Variants in CPNE4 observed in about 807,000 individuals in gnomAD.
CPNE4 encodes the protein copine-4.
In CPNE4, 25 loss-of-function variants were observed where a neutral mutation model predicts 67.9. The observed-to-expected ratio is 0.37, with a 90% confidence interval of 0.27 to 0.51. The LOEUF (loss-of-function observed/expected upper bound fraction) is 0.51, where lower values mean the gene tolerates loss of function less well. Ranked by LOEUF, CPNE4 falls within the 20% of genes least tolerant of loss-of-function variation. The probability of loss-of-function intolerance (pLI) is 0.93; values close to 1 mark genes in which losing one functional copy is unlikely to be tolerated. For synonymous variants in CPNE4, 242 were observed against 244.9 expected (o/e 0.99, Z 0.11); for missense variants, 464 against 690.8 (o/e 0.67, Z 3.68).
At chr3:131,575,166 A>G (rs758004810) in intron 9 of CPNE4, 36 bp from the exon 10 acceptor site, 2 of 1,570,328 alleles carry the variant, frequency 1.3e-6, no homozygotes, top group East Asian at 2.2e-5. Context: ...GGTTAATAAC[A>G]GCACAGTCTA....
chr3:131,889,650 G>A (rs1427603623), intron 2 of CPNE4, among the ~76,000 whole-genome samples: 1 of 152,122 alleles, frequency 6.6e-6, no homozygotes, highest in Non-Finnish European at 1.5e-5. Flanking sequence ...ACCCCAAAAT[G>A]TTTAATAGTT....
intron 7 of CPNE4, among the ~76,000 whole-genome samples, chr3:131,612,647 T>TC (rs1939919235): frequency 6.6e-6 from 1 of 152,146 alleles, no homozygotes; most frequent in Non-Finnish European, 1.5e-5. Context: ...CCCCGATTAC[T>TC]CCCTCTTTAT....
rs1583517415 is a variant in CPNE4 at position 131,959,247 on chromosome 3, G to T, written c.-1-53803C>A. On this transcript the variant is annotated intron_variant, in intron 1 of 15. Transcript: ENST00000429747. Reference sequence around the variant, plus strand: ...GATCTCCTGACCTCGTGATCCGCCCGCCTCGGCCTCCCAAAGTGCTGGGAT... The same window carrying T: ...GATCTCCTGACCTCGTGATCCGCCCTCCTCGGCCTCCCAAAGTGCTGGGAT... Among the ~76,000 whole-genome samples the T allele has an allele frequency of 5.2e-5, 2 of 38,374 alleles. 1 individual carries two copies. Among genetic ancestry groups the T allele is most frequent in the African/African-American group, 1.9e-4 (2 of 10,398 alleles). 25.2% of individuals were successfully genotyped at this position (38,374 alleles called of 152,430 possible).
At chr3:131,760,669 A>G (rs2082863425) in intron 2 of CPNE4, among the ~76,000 whole-genome samples, 2 of 152,160 alleles carry the variant, frequency 1.3e-5, no homozygotes, top group South Asian at 4.1e-4. Context: ...TCATTTTGCT[A>G]TTGAGGATGA....
At chr3:131,585,400 T>A (rs1272775942) in intron 8 of CPNE4, among the ~76,000 whole-genome samples, 2 of 152,130 alleles carry the variant, frequency 1.3e-5, no homozygotes, top group Non-Finnish European at 2.9e-5. Flanking sequence ...TAAGACAATA[T>A]TTCCCACTGT....
Position 131,535,200 on chromosome 3 carries a change from G to A in CPNE4, c.1669C>T (p.Pro557Ser). The change falls in exon 16 of 16, where the codon CCA becomes TCA. Residue 557 changes from proline to serine, a missense_variant. By Grantham distance (74) the Pro-to-Ser change is moderately conservative. Coordinates refer to ENST00000429747, the MANE Select transcript of CPNE4 (RefSeq NM_130808.3). ...EMYESSRTLA[P>S] is the part of the protein sequence containing the mutation. ...TGTAAAACTGTGTGGGGAGTTCATG[G>A]TGCTAGTGTTCTGGAAGATTCATAC... 6.2e-7 allele frequency: 1 copy of A among 1,611,104 alleles called. No homozygotes were observed. Among genetic ancestry groups the A allele is most frequent in the Non-Finnish European group, 8.5e-7 (1 of 1,178,950 alleles).
rs145053319 is a variant in CPNE4, at chr3:132,023,184, T to C, written c.-2+11383A>G. 9.4e-3 allele frequency among the ~76,000 whole-genome samples: 1,431 copies of C among 152,280 alleles called. 9 individuals carry two copies. The highest frequency in any genetic ancestry group is 0.015 in the Non-Finnish European group (991 of 68,022). On this transcript the variant is annotated intron_variant, in intron 1 of 15. Coordinates refer to ENST00000429747, the MANE Select transcript of CPNE4 (RefSeq NM_130808.3). The stretch of plus-strand genomic sequence containing the variant: ...CAGCTGCCAACATTATATAAAAGCC[T>C]CACGCACTCTAGTCCAATCGTTCAT...
chr3:131,674,284 A>G (rs774133143), intron 6 of CPNE4, among the ~76,000 whole-genome samples: 2 of 151,512 alleles, frequency 1.3e-5, no homozygotes, highest in Non-Finnish European at 3.0e-5. Flanking sequence ...TCTTTTTTTG[A>G]TGTATCTTTG....
chr3:131,760,226 G>T (rs1015515992), intron 2 of CPNE4, among the ~76,000 whole-genome samples: 1 of 152,164 alleles, frequency 6.6e-6, no homozygotes, highest in African/African-American at 2.4e-5. Context: ...ATCTGTAGGA[G>T]TTTGTCTGAA....
intron 2 of CPNE4, among the ~76,000 whole-genome samples, chr3:131,798,220 C>T (rs1187298814): frequency 6.6e-6 from 1 of 152,074 alleles, no homozygotes; most frequent in African/African-American, 2.4e-5. Flanking sequence ...CACAAATAGC[C>T]AATTATGGGA....
intron 1 of CPNE4, among the ~76,000 whole-genome samples, chr3:131,985,635 C>T (rs1409167529): frequency 6.6e-6 from 1 of 152,114 alleles, no homozygotes; most frequent in African/African-American, 2.4e-5. Flanking sequence ...TTCAGTGCTG[C>T]CCCACAGGTT....
In CPNE4 at chr3:131,882,723, A is replaced by ATT. The variant is rs534737633; in HGVS notation, c.180+22539_180+22540dup. ...ACAAAAGTAATTGCAGTTCTGCTCT[A>ATT]TTTTTTTTTTTTTTTTGAGACGGAG... On this transcript the variant is annotated intron_variant, in intron 2 of 15. Transcript: ENST00000429747. Among the ~76,000 whole-genome samples, 584 of 136,144 alleles carry ATT rather than the reference A, an allele frequency of 4.3e-3. 8 individuals carry two copies. The highest frequency in any genetic ancestry group is 0.013 in the East Asian group (58 of 4,586). The allele number at this position is 136,144 out of a possible 152,430, so 89.3% of individuals were successfully genotyped here.
At chr3:131,551,758 A>G (rs1936185284) in intron 13 of CPNE4, among the ~76,000 whole-genome samples, 1 of 152,136 alleles carries the variant, frequency 6.6e-6, no homozygotes, top group African/African-American at 2.4e-5. Context: ...AAAATGTCTT[A>G]TGATCTTCAT....
intron 1 of CPNE4, among the ~76,000 whole-genome samples, chr3:131,912,395 T>G (rs553352756): frequency 2.0e-5 from 3 of 152,054 alleles, no homozygotes; most frequent in African/African-American, 7.2e-5. Flanking sequence ...CAAGAATAAG[T>G]GCATAATCAC....
chr3:131,654,569 T>C (rs1305038726), intron 7 of CPNE4, among the ~76,000 whole-genome samples: 1 of 152,126 alleles, frequency 6.6e-6, no homozygotes, highest in East Asian at 1.9e-4. Context: ...AACCCAAACA[T>C]CTCCCAGGAG....
intron 2 of CPNE4, among the ~76,000 whole-genome samples, chr3:131,846,798 G>T (rs553158613): frequency 6.6e-6 from 1 of 152,176 alleles, no homozygotes; most frequent in Non-Finnish European, 1.5e-5. Context: ...GGCAGGCTGA[G>T]CATCGAGATT....
At chr3:131,879,834 A>G (rs2087603404) in intron 2 of CPNE4, among the ~76,000 whole-genome samples, 1 of 152,146 alleles carries the variant, frequency 6.6e-6, no homozygotes, top group African/African-American at 2.4e-5. Context: ...TGCACACAGC[A>G]TAATTTTCCC....
rs374887619 is a variant in CPNE4, at chr3:131,552,506, A to C, written c.1117-15T>G. The C allele has an allele frequency of 6.8e-6, 11 of 1,608,228 alleles. No homozygotes were observed. In the South Asian group the frequency reaches 8.8e-5, roughly 13 times the overall value. On this transcript the variant is annotated splice_polypyrimidine_tract_variant and intron_variant, in intron 12 of 15. Transcript: ENST00000429747. ...TCATGAGAGACCTAGACACCGATTAAAATTTAAAAAACAGGAAGAAAGAAG... is the reference window on the plus strand; with the variant it reads ...TCATGAGAGACCTAGACACCGATTACAATTTAAAAAACAGGAAGAAAGAAG...
intron 2 of CPNE4, among the ~76,000 whole-genome samples, chr3:131,860,172 A>G (rs1315365938): frequency 6.6e-6 from 1 of 152,210 alleles, no homozygotes; most frequent in Non-Finnish European, 1.5e-5. Context: ...GCATCACACA[A>G]CAAAGCATGA....
Sources: allele counts gnomAD v4.1 joint callset (sites outside exome capture counted in the v4.1 genomes callset), GRCh38; gene constraint gnomAD v4.1.1; transcripts MANE v1.5; gene names NCBI Gene and HGNC (gene_info 2026-07-23, HGNC 2026-07-21).